Variants in PLG observed in about 807,000 individuals in gnomAD.
PLG encodes the protein plasminogen, also known as plasmin.
A neutral mutation model predicts 104.4 loss-of-function variants in PLG; 41 were observed. That is an observed-to-expected ratio of 0.39 (90% confidence interval 0.31 to 0.51). The LOEUF is 0.51. Ranked by LOEUF, PLG falls within the 20% of genes least tolerant of loss-of-function variation. PLG has a pLI of 0.76. For missense variants in PLG, 891 were observed against 1,003.6 expected (o/e 0.89, Z 1.52); for synonymous variants, 337 against 357.1 (o/e 0.94, Z 0.63).
chr6:160,704,210 T>C (rs1408581870), intron 1 of PLG, among the ~76,000 whole-genome samples: 1 of 152,194 alleles, frequency 6.6e-6, no homozygotes, highest in Non-Finnish European at 1.5e-5. Context: ...ATATGAGTCC[T>C]AGAGGTGAAT....
intron 3 of PLG, 103 bp downstream of exon 3, chr6:160,707,909 A>G: frequency 9.8e-7 from 1 of 1,020,892 alleles, no homozygotes; most frequent in East Asian, 2.4e-5. Context: ...GGAGGAAGGC[A>G]CTATCGTGTT....
At position 160,737,003 on chromosome 6, in the gene PLG, A is replaced by G. The variant is rs1778096281; in HGVS notation, c.1798A>G (p.Thr600Ala). The G allele has an allele frequency of 1.2e-6, 2 of 1,613,044 alleles. No individual in the cohort carries two copies. The highest frequency in any genetic ancestry group is 2.7e-5 in the African/African-American group (2 of 74,874). ...HSWPWQVSLR[T>A]RFGMHFCGGT... Reference sequence around the variant, plus strand: ...CTGGCCCTGGCAAGTCAGTCTTAGAACAAGGTAAGAACAGGCCCAGAAACG... The same window carrying G: ...CTGGCCCTGGCAAGTCAGTCTTAGAGCAAGGTAAGAACAGGCCCAGAAACG... The change falls in exon 14 of 19, where the codon ACA becomes GCA. Residue 600 changes from threonine to alanine, a missense_variant. Thr to Ala is a moderately conservative substitution (Grantham distance 58). Transcript: ENST00000308192. The surrounding 1 kb of genome is among the most constrained non-coding windows in gnomAD (Gnocchi z 4.7).
In PLG at chr6:160,736,802, C is replaced by T. The variant is rs1276576510; in HGVS notation, c.1682-85C>T. On this transcript the variant is annotated intron_variant, in intron 13 of 18. Transcript: ENST00000308192. This position sits in a 1 kb window ranked among gnomAD's most constrained non-coding sequence, Gnocchi z 5.2. Reference sequence around the variant, plus strand: ...AGTTCGGCCTTTAAGATGTCAAAAACTCAGTGCTTGGAATTTGTCTCGAAT... The same window carrying T: ...AGTTCGGCCTTTAAGATGTCAAAAATTCAGTGCTTGGAATTTGTCTCGAAT... 6.4e-7 allele frequency: 1 copy of T among 1,566,376 alleles called. No homozygotes were observed.
At chr6:160,704,431 A>T (rs910953378) in intron 1 of PLG, among the ~76,000 whole-genome samples, 1 of 152,248 alleles carries the variant, frequency 6.6e-6, no homozygotes, top group Non-Finnish European at 1.5e-5. Context: ...CTGCTCTGCT[A>T]TACTTCAAAA....
chr6:160,709,742 G>C (rs1486159585), intron 3 of PLG, among the ~76,000 whole-genome samples: 6 of 152,150 alleles, frequency 3.9e-5, no homozygotes, highest in Non-Finnish European at 8.8e-5. Flanking sequence ...TATGTCTACT[G>C]TAATACTATG....
In PLG at chr6:160,724,472, G is replaced by A. The variant is rs968342845; in HGVS notation, c.1256+1905G>A. Among the ~76,000 whole-genome samples, 2 of 151,928 alleles carry A rather than the reference G, an allele frequency of 1.3e-5. No individual in the cohort carries two copies. Among genetic ancestry groups the A allele is most frequent in the African/African-American group, 4.8e-5 (2 of 41,376 alleles). On this transcript the variant is annotated intron_variant, in intron 10 of 18. Coordinates refer to ENST00000308192, the MANE Select transcript of PLG (RefSeq NM_000301.5). The surrounding 1 kb of genome is among the most constrained non-coding windows in gnomAD (Gnocchi z 5.0). ...GAAACAGAGCCTCAAGAATATCTAT[G>A]AAAATATCAAAAGATTTCATATATG...
chr6:160,722,628 G>A (rs1777855015), intron 10 of PLG, 61 bp downstream of exon 10: 1 of 1,499,796 alleles, frequency 6.7e-7, no homozygotes, highest in African/African-American at 1.4e-5. Context: ...TGTTAAAAGA[G>A]CCATGCTTCA....
chr6:160,731,990 T>G lies in PLG; in HGVS notation c.1587+97T>G. The G allele has an allele frequency of 8.2e-7, 1 of 1,224,650 alleles. No homozygotes were observed. Among genetic ancestry groups the G allele is most frequent in the Non-Finnish European group, 1.2e-6 (1 of 832,014 alleles). 75.9% of individuals were successfully genotyped at this position (1,224,650 alleles called of 1,614,324 possible). On this transcript the variant is annotated intron_variant, in intron 12 of 18. Coordinates refer to ENST00000308192, the MANE Select transcript of PLG (RefSeq NM_000301.5). This position sits in a 1 kb window ranked among gnomAD's most constrained non-coding sequence, Gnocchi z 5.1. ...ACAGAAAATCTGACCTGGACTGCTC[T>G]TTTTTGTAATGGGGGAGAGGGGACA...
At position 160,736,968 on chromosome 6, in the gene PLG, A is replaced by G. The variant is rs202141531; in HGVS notation, c.1763A>G (p.His588Arg). The G allele has an allele frequency of 2.5e-6, 4 of 1,613,832 alleles. No homozygotes were observed. In the Admixed American group the frequency reaches 6.7e-5, roughly 27 times the overall value. The change falls in exon 14 of 19, where the codon CAC becomes CGC. Residue 588 changes from histidine (H) to arginine (R), a missense_variant. His to Arg is a conservative substitution (Grantham distance 29). Coordinates refer to ENST00000308192, the MANE Select transcript of PLG (RefSeq NM_000301.5). The surrounding 1 kb of genome is among the most constrained non-coding windows in gnomAD (Gnocchi z 5.2). ...PGRVVGGCVA[H>R]PHSWPWQVSL... ...AGGGTTGTAGGGGGGTGTGTGGCCC[A>G]CCCACATTCCTGGCCCTGGCAAGTC...
chr6:160,703,849 G>A (rs1777469645), intron 1 of PLG, among the ~76,000 whole-genome samples: 1 of 152,196 alleles, frequency 6.6e-6, no homozygotes, highest in Non-Finnish European at 1.5e-5. Flanking sequence ...AACCCACCTG[G>A]TGGGCACATT....
intron 10 of PLG, among the ~76,000 whole-genome samples, chr6:160,722,952 T>C (rs957156516): frequency 6.6e-6 from 1 of 152,052 alleles, no homozygotes; most frequent in Non-Finnish European, 1.5e-5. Flanking sequence ...GAAGGTTGAA[T>C]TTGCTATTTT....
At position 160,734,441 on chromosome 6, in the gene PLG, C is replaced by T. The variant is rs1292237087; in HGVS notation, c.1681+353C>T. 1.3e-5 allele frequency among the ~76,000 whole-genome samples: 2 copies of T among 152,166 alleles called. No homozygotes were observed. Among genetic ancestry groups the T allele is most frequent in the African/African-American group, 4.8e-5 (2 of 41,422 alleles). ...TCGGATGAAAAACTTTCCCTTTCCA[C>T]AGCTGAGAAGTAAGAAAGAAAATAC... On this transcript the variant is annotated intron_variant, in intron 13 of 18. Transcript: ENST00000308192. This position sits in a 1 kb window ranked among gnomAD's most constrained non-coding sequence, Gnocchi z 4.4.
intron 3 of PLG, among the ~76,000 whole-genome samples, chr6:160,709,652 C>A (rs1777599920): frequency 6.6e-6 from 1 of 152,228 alleles, no homozygotes; most frequent in Non-Finnish European, 1.5e-5. Flanking sequence ...GCTCAATCAT[C>A]ATGTCCTTTG....
intron 10 of PLG, among the ~76,000 whole-genome samples, chr6:160,729,601 A>C (rs1313758130): frequency 6.6e-6 from 1 of 152,208 alleles, no homozygotes; most frequent in African/African-American, 2.4e-5. Flanking sequence ...GAACTCAAAA[A>C]TATATTAAGG....
rs1469921176 is a variant in PLG at position 160,738,248 on chromosome 6, G to A, written c.1803-290G>A. ...AGTCCTGGGCTGTGGGGTGAAAGCC[G>A]TGGCTGTAGAGCTTCATGCGGAGTT... On this transcript the variant is annotated intron_variant, in intron 14 of 18. Coordinates refer to ENST00000308192, the MANE Select transcript of PLG (RefSeq NM_000301.5). This position sits in a 1 kb window ranked among gnomAD's most constrained non-coding sequence, Gnocchi z 6.8. 6.6e-6 allele frequency among the ~76,000 whole-genome samples: 1 copy of A among 152,154 alleles called. No individual in the cohort carries two copies. Among genetic ancestry groups the A allele is most frequent in the Non-Finnish European group, 1.5e-5 (1 of 68,030 alleles).
intron 3 of PLG, among the ~76,000 whole-genome samples, chr6:160,709,696 C>T (rs1315296153): frequency 1.3e-5 from 2 of 152,208 alleles, no homozygotes; most frequent in Admixed American, 6.5e-5. Context: ...CTCCCTTTCA[C>T]AAAGTACCTT....
intron 6 of PLG, among the ~76,000 whole-genome samples, chr6:160,716,253 A>G (rs1220955794): frequency 6.6e-6 from 1 of 152,248 alleles, no homozygotes; most frequent in Non-Finnish European, 1.5e-5. Flanking sequence ...CCAAAATGAT[A>G]AGGTCACTGA....
At position 160,733,686 on chromosome 6, in the gene PLG, A is replaced by C. The variant is rs865817047; in HGVS notation, c.1588-309A>C. On this transcript the variant is annotated intron_variant, in intron 12 of 18. Coordinates refer to ENST00000308192, the MANE Select transcript of PLG (RefSeq NM_000301.5). ...GAAACCTCATCTCTACTGAAAATAG[A>C]AAAAAAAATTAGCCAGGTGTGGTGG... 9.1e-3 allele frequency among the ~76,000 whole-genome samples: 1,380 copies of C among 151,140 alleles called. 18 individuals are homozygous for C. Among genetic ancestry groups the C allele is most frequent in the Middle Eastern group, 0.044 (13 of 294 alleles).
At position 160,753,227 on chromosome 6, in the gene PLG, C is replaced by T. The variant is rs1455713349; in HGVS notation, c.*166C>T. ...TGTGTTATTTTCTGACTGCTGGATTCTGTAGTAAGGTGACATAGCTATGAC... is the reference window on the plus strand; with the variant it reads ...TGTGTTATTTTCTGACTGCTGGATTTTGTAGTAAGGTGACATAGCTATGAC... On this transcript the variant is annotated 3_prime_UTR_variant, in exon 19 of 19. Transcript: ENST00000308192. The surrounding 1 kb of genome is among the most constrained non-coding windows in gnomAD (Gnocchi z 5.4). The T allele has an allele frequency of 1.6e-6, 1 of 607,730 alleles. No individual in the cohort carries two copies. Among genetic ancestry groups the T allele is most frequent in the African/African-American group, 1.9e-5 (1 of 53,914 alleles). 37.6% of individuals were successfully genotyped at this position (607,730 alleles called of 1,614,324 possible). A position where few individuals can be genotyped will look rare whatever the true frequency, so the allele number is the denominator to read the frequency against.
Sources: allele counts gnomAD v4.1 joint callset (sites outside exome capture counted in the v4.1 genomes callset), GRCh38; gene constraint gnomAD v4.1.1; non-coding constraint Gnocchi (gnomAD v3.1); transcripts MANE v1.5; gene names NCBI Gene and HGNC (gene_info 2026-07-23, HGNC 2026-07-21).